The following HEATR4 variants were observed in gnomAD, a reference collection of about 807,000 sequenced individuals.
The protein encoded by HEATR4 is HEAT repeat-containing protein 4.
A neutral mutation model predicts 108.8 loss-of-function variants in HEATR4; 95 were observed. That is an observed-to-expected ratio of 0.87 (90% CI 0.74 to 1.04). The LOEUF (loss-of-function observed/expected upper bound fraction) is 1.04. HEATR4 is among the 50% of genes least tolerant of loss of function. The pLI is 0.00. For synonymous variants in HEATR4, 443 were observed against 459.4 expected (o/e 0.96, Z 0.46); for missense variants, 1,152 against 1,253.8 (o/e 0.92, Z 1.23).
chr14:73,627,589 A>C, the HEATR4 span, among the ~76,000 whole-genome samples: 1 of 152,192 alleles, frequency 6.6e-6, no homozygotes, highest in Non-Finnish European at 1.5e-5. Flanking sequence ...GGAGATGTAT[A>C]GGGAGAAAAG....
At chr14:73,595,112 G>T in the HEATR4 span, 1 of 1,614,152 alleles carries the variant, frequency 6.2e-7, no homozygotes, top group Admixed American at 1.7e-5. Flanking sequence ...TCTCTCAATG[G>T]CCTCATTCTT....
chr14:73,595,174 C>G, the HEATR4 span: 10 of 1,614,098 alleles, frequency 6.2e-6, no homozygotes, highest in Admixed American at 3.3e-5. Flanking sequence ...TCAGTGGGAA[C>G]ACAGCCATCA....
intron 10 of HEATR4, among the ~76,000 whole-genome samples, chr14:73,503,855 CAT>C (rs1886641576): frequency 6.6e-6 from 1 of 152,146 alleles, no homozygotes; most frequent in Non-Finnish European, 1.5e-5. Context: ...TGAAAAGACT[CAT>C]AGACATACTG....
At chr14:73,569,393 G>A in the HEATR4 span, 4 of 1,613,876 alleles carry the variant, frequency 2.5e-6, no homozygotes, top group African/African-American at 2.7e-5. Context: ...CACAGCTGAG[G>A]CAGGTTGGTC....
the HEATR4 span, chr14:73,582,621 C>T: frequency 2.0e-5 from 3 of 151,938 alleles, no homozygotes; most frequent in Non-Finnish European, 4.4e-5. Flanking sequence ...TAGAAGACAG[C>T]CCTACATGGA....
At chr14:73,590,642 C>G in the HEATR4 span, among the ~76,000 whole-genome samples, 1 of 152,186 alleles carries the variant, frequency 6.6e-6, no homozygotes. Context: ...GCAGCTAAGG[C>G]CCGCTGAGAA....
chr14:73,539,418 A>C lies in HEATR4; in HGVS notation c.-151-9174T>G, dbSNP rs1419221324. 2 of 126,034 alleles carry C rather than the reference A, an allele frequency of 1.6e-5. 1 individual carries two copies. Among genetic ancestry groups the C allele is most frequent in the East Asian group, 1.3e-3 (2 of 1,540 alleles). The allele number at this position is 126,034 out of a possible 1,614,324, so 7.8% of individuals were successfully genotyped here. On this transcript the variant is annotated intron_variant, in intron 1 of 17. Transcript: ENST00000553558. ...GTCCATTGTCAGGATAATTCACTCC[A>C]CAAGCTGGGACTCCAGGTGCTGCTC... is the stretch of plus-strand genomic sequence containing the variant.
intron 12 of HEATR4, among the ~76,000 whole-genome samples, chr14:73,500,279 CTTT>C (rs751356844): frequency 7.1e-5 from 10 of 139,900 alleles, no homozygotes; most frequent in Admixed American, 2.2e-4. Context: ...ATGCACGGAC[CTTT>C]TTTTTTTTTT....
chr14:73,480,661 G>C (rs989867097), intron 17 of HEATR4, among the ~76,000 whole-genome samples: 9 of 152,114 alleles, frequency 5.9e-5, no homozygotes, highest in Non-Finnish European at 1.3e-4. Flanking sequence ...AAGCAACCAA[G>C]ATGTCTTTCA....
At chr14:73,593,817 T>A in the HEATR4 span, 1 of 1,614,116 alleles carries the variant, frequency 6.2e-7, no homozygotes, top group Non-Finnish European at 8.5e-7. Context: ...TAGCTTATTA[T>A]AACTTTGAAG....
At chr14:73,633,119 C>T in the HEATR4 span, among the ~76,000 whole-genome samples, 1 of 151,566 alleles carries the variant, frequency 6.6e-6, no homozygotes, top group African/African-American at 2.4e-5. Flanking sequence ...ATTCTCTCGC[C>T]TCAGCCTCCC....
chr14:73,510,786 C>T (rs1051267898), intron 7 of HEATR4, among the ~76,000 whole-genome samples: 11 of 152,070 alleles, frequency 7.2e-5, no homozygotes, highest in African/African-American at 2.7e-4. Flanking sequence ...GTCTTGGGGA[C>T]AGCACAGGAG....
intron 17 of HEATR4, among the ~76,000 whole-genome samples, chr14:73,479,783 G>T (rs1352125853): frequency 1.3e-5 from 2 of 151,540 alleles, no homozygotes; most frequent in Non-Finnish European, 2.9e-5. Flanking sequence ...CACCATGTTG[G>T]CCAGGCTGGT....
the HEATR4 span, chr14:73,592,281 G>T: frequency 1.9e-6 from 3 of 1,612,568 alleles, no homozygotes; most frequent in Non-Finnish European, 2.5e-6. Context: ...GGAGTTGGAG[G>T]TGCTGGACGG....
chr14:73,487,158 T>A (rs1461854390), intron 17 of HEATR4, among the ~76,000 whole-genome samples: 9 of 123,904 alleles, frequency 7.3e-5, no homozygotes, highest in African/African-American at 9.0e-5. Flanking sequence ...TTGATTTTTT[T>A]AAAAGGGAAT....
chr14:73,479,295 T>G (rs1885147500), intron 17 of HEATR4, among the ~76,000 whole-genome samples: 1 of 151,294 alleles, frequency 6.6e-6, no homozygotes, highest in Non-Finnish European at 1.5e-5. Context: ...TTTTGTATTT[T>G]TAGTAGAGAC....
the HEATR4 span, chr14:73,574,453 A>ACAG: frequency 3.9e-6 from 1 of 257,080 alleles, no homozygotes; most frequent in African/African-American, 2.3e-5. Flanking sequence ...TTTAGTAGAG[A>ACAG]TGTTTCACCA....
the HEATR4 span, among the ~76,000 whole-genome samples, chr14:73,579,265 TAA>T: frequency 1.4e-5 from 1 of 70,862 alleles, no homozygotes; most frequent in Non-Finnish European, 2.6e-5. Flanking sequence ...TCAAAAAAAT[TAA>T]AAAAAAAAAA....
At chr14:73,566,432 G>A in the HEATR4 span, among the ~76,000 whole-genome samples, 6 of 152,000 alleles carry the variant, frequency 3.9e-5, no homozygotes, top group East Asian at 1.9e-4. Flanking sequence ...CCACGGAGGC[G>A]GGGGGAGGCT....
Sources: gnomAD v4.1 joint callset for allele counts (sites outside exome capture counted in the v4.1 genomes callset) on GRCh38, gnomAD v4.1.1 for gene constraint, MANE v1.5 for transcripts, NCBI Gene and HGNC (gene_info 2026-07-23, HGNC 2026-07-21) for gene names.